Variants in SDCBP observed in about 807,000 individuals in gnomAD.
The protein encoded by SDCBP is syntenin-1.
In SDCBP, 22 loss-of-function variants were observed where a neutral mutation model predicts 30.5. The observed-to-expected ratio is 0.72, with a 90% CI of 0.52 to 1.03. The LOEUF (loss-of-function observed/expected upper bound fraction) is 1.03, where lower values mean the gene tolerates loss of function less well. SDCBP is among the 50% of genes least tolerant of loss of function. The probability of loss-of-function intolerance (pLI) is 0.00; values close to 1 mark genes in which losing one functional copy is unlikely to be tolerated. For missense variants in SDCBP, 304 were observed against 369.9 expected (o/e 0.82, Z 1.46); for synonymous variants, 103 against 118.7 (o/e 0.87, Z 0.86).
At chr8:58,563,772 A>G (rs1056831144) in intron 1 of SDCBP, among the ~76,000 whole-genome samples, 1 of 152,208 alleles carries the variant, frequency 6.6e-6, no homozygotes, top group African/African-American at 2.4e-5. Context: ...GGCTGTTCCC[A>G]TACTGGGGCT....
rs139439738 is a variant in SDCBP at position 58,554,072 on chromosome 8, T to TCA, written c.-16+769_-16+770insCA. 6.7e-3 allele frequency among the ~76,000 whole-genome samples: 1,019 copies of TCA among 152,324 alleles called. 9 individuals are homozygous for TCA. Among genetic ancestry groups the TCA allele is most frequent in the African/African-American group, 0.024 (981 of 41,572 alleles). ...TTTTCACTTTTACCAAAGTGGTGAT[T>TCA]ATTGAGTCATGGAGTCTTCTAATGT... On this transcript the variant is annotated intron_variant, in intron 1 of 8. Transcript: ENST00000260130.
chr8:58,576,601 A>AATATGTCAT (rs1356567978), intron 5 of SDCBP, among the ~76,000 whole-genome samples: 1 of 152,170 alleles, frequency 6.6e-6, no homozygotes, highest in Non-Finnish European at 1.5e-5. Flanking sequence ...ATTTGAATTT[A>AATATGTCAT]ATATGTCATT....
At chr8:58,555,543 C>T (rs536528923) in intron 1 of SDCBP, among the ~76,000 whole-genome samples, 53 of 152,260 alleles carry the variant, frequency 3.5e-4, no homozygotes, top group Non-Finnish European at 6.3e-4. Context: ...GTTCCTAAGT[C>T]CTTCCGTGAA....
chr8:58,580,719 T>C lies in SDCBP; in HGVS notation c.842+111T>C. 4.6e-6 allele frequency: 3 copies of C among 645,784 alleles called. No individual in the cohort carries two copies. In the Admixed American group the frequency reaches 9.3e-5, roughly 20 times the overall value. The allele number at this position is 645,784 out of a possible 1,614,324, so 40.0% of individuals were successfully genotyped here. On this transcript the variant is annotated intron_variant, in intron 8 of 8. Transcript: ENST00000260130. Reference sequence around the variant, plus strand: ...TTTACCCAAGGAATGGATACTGGTGTTTTATCTAGAAATTTGAAGTAAGTT... The same window carrying C: ...TTTACCCAAGGAATGGATACTGGTGCTTTATCTAGAAATTTGAAGTAAGTT...
chr8:58,566,301 C>A (rs1007239020), intron 2 of SDCBP, among the ~76,000 whole-genome samples: 2 of 152,088 alleles, frequency 1.3e-5, no homozygotes, highest in African/African-American at 4.8e-5. Flanking sequence ...TTTAGATGGA[C>A]CTGTAAGAAT....
chr8:58,577,390 T>TAAC (rs1805400936), intron 5 of SDCBP, among the ~76,000 whole-genome samples: 1 of 152,216 alleles, frequency 6.6e-6, no homozygotes, highest in Non-Finnish European at 1.5e-5. Flanking sequence ...GTGAGTGTAG[T>TAAC]TATTGGTTAA....
At chr8:58,580,297 A>G (rs964400003) in intron 7 of SDCBP, among the ~76,000 whole-genome samples, 3 of 152,204 alleles carry the variant, frequency 2.0e-5, no homozygotes, top group South Asian at 4.1e-4. Context: ...AATATTCAGA[A>G]AGGAAAAGTT....
chr8:58,571,071 G>A, intron 3 of SDCBP, 106 bp downstream of exon 3: 5 of 734,564 alleles, frequency 6.8e-6, no homozygotes, highest in Non-Finnish European at 9.1e-6. Context: ...GCATAAAATT[G>A]GTAGTTAAGC....
At chr8:58,563,620 T>G (rs1804551537) in intron 1 of SDCBP, among the ~76,000 whole-genome samples, 1 of 152,162 alleles carries the variant, frequency 6.6e-6, no homozygotes, top group Non-Finnish European at 1.5e-5. Context: ...AGAGACCATA[T>G]AGTGATTTTA....
At chr8:58,557,553 A>C (rs967670735) in intron 1 of SDCBP, among the ~76,000 whole-genome samples, 2 of 144,942 alleles carry the variant, frequency 1.4e-5, no homozygotes, top group African/African-American at 5.2e-5. Context: ...GTCCGAAACT[A>C]TCCCACCCAC....
At chr8:58,555,089 CTTA>C (rs1804023732) in intron 1 of SDCBP, among the ~76,000 whole-genome samples, 1 of 152,140 alleles carries the variant, frequency 6.6e-6, no homozygotes, top group Non-Finnish European at 1.5e-5. Flanking sequence ...ACATTTTGCT[CTTA>C]TTTTTCCAGT....
At chr8:58,572,955 C>T (rs993560765) in intron 4 of SDCBP, among the ~76,000 whole-genome samples, 25 of 151,682 alleles carry the variant, frequency 1.6e-4, no homozygotes, top group Admixed American at 5.3e-4. Flanking sequence ...TACAAGCGCG[C>T]GCCACCATGC....
chr8:58,564,868 C>A, intron 1 of SDCBP, 151 bp from the exon 2 acceptor site: 1 of 460,248 alleles, frequency 2.2e-6, no homozygotes. Context: ...TTTAGTATGG[C>A]CTATATATTC....
rs745919736 is a variant in SDCBP, at chr8:58,579,828, A to G, written c.750+34A>G. ...CAGACTTTGTGCCATGTTCTGCTGCAGTTTTAGAAAATGTCTGTCTTTTGA... is the reference window on the plus strand; with the variant it reads ...CAGACTTTGTGCCATGTTCTGCTGCGGTTTTAGAAAATGTCTGTCTTTTGA... On this transcript the variant is annotated intron_variant, in intron 7 of 8. Transcript: ENST00000260130. 2.6e-5 allele frequency: 40 copies of G among 1,538,080 alleles called. No homozygotes were observed. In the East Asian group the frequency reaches 9.2e-4, roughly 36 times the overall value.
intron 1 of SDCBP, among the ~76,000 whole-genome samples, chr8:58,563,309 A>G (rs190359462): frequency 1.0e-3 from 152 of 152,308 alleles, no homozygotes; most frequent in African/African-American, 3.5e-3. Flanking sequence ...AACATATGCT[A>G]TGTGAAAGAA....
chr8:58,570,800 TGGAAGTAC>T, intron 2 of SDCBP, 79 bp from the exon 3 acceptor site: 1 of 839,774 alleles, frequency 1.2e-6, no homozygotes, highest in Non-Finnish European at 1.9e-6. Flanking sequence ...AGTTTCTTTT[TGGAAGTAC>T]TGGATTTAGC....
intron 1 of SDCBP, among the ~76,000 whole-genome samples, chr8:58,553,856 G>C (rs954876857): frequency 5.3e-5 from 8 of 152,192 alleles, no homozygotes; most frequent in Non-Finnish European, 1.2e-4. Flanking sequence ...TTTTTGGAAG[G>C]GGGTGGGGAG....
At chr8:58,575,387 A>G (rs1301646672) in intron 4 of SDCBP, among the ~76,000 whole-genome samples, 5 of 152,186 alleles carry the variant, frequency 3.3e-5, no homozygotes, top group Admixed American at 6.5e-5. Context: ...TTGTTAATCC[A>G]TAGATGGTTA....
chr8:58,565,367 A>G (rs1167125502), intron 2 of SDCBP, among the ~76,000 whole-genome samples: 5 of 152,080 alleles, frequency 3.3e-5, no homozygotes, highest in Non-Finnish European at 7.4e-5. Flanking sequence ...ATTTGAGTTG[A>G]CAAAATATAC....
Sources: allele counts gnomAD v4.1 joint callset (sites outside exome capture counted in the v4.1 genomes callset), GRCh38; gene constraint gnomAD v4.1.1; transcripts MANE v1.5; gene names NCBI Gene and HGNC (gene_info 2026-07-23, HGNC 2026-07-21).